Variants in NRXN3 observed in about 807,000 individuals in gnomAD.
The protein encoded by NRXN3 is neurexin III.
A neutral mutation model predicts 137.6 loss-of-function variants in NRXN3; 32 were observed. The observed-to-expected ratio is 0.23, with a 90% confidence interval of 0.18 to 0.31. The LOEUF (loss-of-function observed/expected upper bound fraction) is 0.31. Among genes scored for constraint, NRXN3 ranks in the 10% least tolerant of loss-of-function variants. The probability of loss-of-function intolerance (pLI) is 1.00; values close to 1 mark genes in which losing one functional copy is unlikely to be tolerated. For missense variants in NRXN3, 1,574 were observed against 2,062.5 expected (o/e 0.76, Z 4.59); for synonymous variants, 798 against 784.5 (o/e 1.02, Z -0.29).
Position 79,110,495 on chromosome 14 carries a change from A to G in NRXN3, c.3262+122354A>G, listed in dbSNP as rs919890189. On this transcript the variant is annotated intron_variant, in intron 15 of 20. Transcript: ENST00000335750. ...CACTGTCACTTTTGTCTTTTTATTC[A>G]TTGCTTTGTTCCAAAAGCTTAGAAT... is the stretch of plus-strand genomic sequence containing the variant. 7.6e-4 allele frequency among the ~76,000 whole-genome samples: 116 copies of G among 152,318 alleles called. 1 individual carries two copies. The highest frequency in any genetic ancestry group is 2.6e-3 in the African/African-American group (108 of 41,576).
At chr14:78,447,755 G>T (rs17107613) in intron 4 of NRXN3, among the ~76,000 whole-genome samples, 13,903 of 152,250 alleles carry the variant, frequency 0.091, 873 homozygotes, top group African/African-American at 0.16. Context: ...AATGGAGTCT[G>T]TGGGTTTAAG....
chr14:78,802,983 C>T (rs17835742), intron 8 of NRXN3, among the ~76,000 whole-genome samples: 4,306 of 152,256 alleles, frequency 0.028, 90 homozygotes, highest in Non-Finnish European at 0.043. Context: ...TTTCCTCTTT[C>T]CCTATTTGAA....
chr14:79,407,443 G>A (rs557611681), intron 15 of NRXN3, among the ~76,000 whole-genome samples: 1 of 152,078 alleles, frequency 6.6e-6, no homozygotes, highest in Non-Finnish European at 1.5e-5. Context: ...GATGGAGAAA[G>A]TAAAGAATAA....
At chr14:79,221,286 G>A (rs2069620225) in intron 15 of NRXN3, among the ~76,000 whole-genome samples, 1 of 152,082 alleles carries the variant, frequency 6.6e-6, no homozygotes, top group Admixed American at 6.6e-5. Context: ...GGATTGCTGG[G>A]TCAAATGGTA....
At chr14:78,404,919 A>G (rs896703481) in intron 4 of NRXN3, among the ~76,000 whole-genome samples, 1 of 152,194 alleles carries the variant, frequency 6.6e-6, no homozygotes, top group Non-Finnish European at 1.5e-5. Flanking sequence ...CTGCCTGCCT[A>G]TCGTCTGTCT....
chr14:78,859,228 C>T (rs970499946), intron 10 of NRXN3, among the ~76,000 whole-genome samples: 1 of 152,120 alleles, frequency 6.6e-6, no homozygotes, highest in Non-Finnish European at 1.5e-5. Flanking sequence ...TTTCCTGAGG[C>T]CTCCCCAGCC....
intron 15 of NRXN3, among the ~76,000 whole-genome samples, chr14:79,388,188 C>G (rs562950822): frequency 6.6e-6 from 1 of 152,170 alleles, no homozygotes; most frequent in South Asian, 2.1e-4. Flanking sequence ...ATGAAATGCA[C>G]CAGCTCCCCC....
At chr14:78,199,749 C>T (rs2061516993) in intron 1 of NRXN3, among the ~76,000 whole-genome samples, 1 of 152,222 alleles carries the variant, frequency 6.6e-6, no homozygotes, top group African/African-American at 2.4e-5. Context: ...AAACCAGTCT[C>T]CCAGGAGGTT....
intron 16 of NRXN3, among the ~76,000 whole-genome samples, chr14:79,646,259 G>A (rs2098453057): frequency 7.4e-6 from 1 of 135,046 alleles, no homozygotes; most frequent in Non-Finnish European, 1.7e-5. Flanking sequence ...AGCATAGTTG[G>A]GCTGCACTAA....
At chr14:78,418,787 C>T (rs1175748316) in intron 4 of NRXN3, among the ~76,000 whole-genome samples, 4 of 152,168 alleles carry the variant, frequency 2.6e-5, no homozygotes, top group African/African-American at 7.2e-5. Context: ...GGCACCATGC[C>T]AAGCTTTTTA....
chr14:79,717,070 T>G (rs2098826178), intron 19 of NRXN3, among the ~76,000 whole-genome samples: 1 of 152,184 alleles, frequency 6.6e-6, no homozygotes, highest in South Asian at 2.1e-4. Context: ...TTTTAGCAGG[T>G]TCTCCTGGGT....
At chr14:78,761,648 A>C (rs2098692678) in intron 8 of NRXN3, among the ~76,000 whole-genome samples, 1 of 152,170 alleles carries the variant, frequency 6.6e-6, no homozygotes, top group South Asian at 2.1e-4. Context: ...TGGGAATAAA[A>C]CCTAGCAGTT....
chr14:79,050,417 T>C (rs984944023), intron 15 of NRXN3, among the ~76,000 whole-genome samples: 2 of 152,222 alleles, frequency 1.3e-5, no homozygotes, highest in Admixed American at 1.3e-4. Flanking sequence ...CAGCCCCATT[T>C]CTTTTTATAT....
intron 15 of NRXN3, among the ~76,000 whole-genome samples, chr14:79,117,003 A>C (rs1314923901): frequency 6.6e-6 from 1 of 152,200 alleles, no homozygotes; most frequent in Non-Finnish European, 1.5e-5. Flanking sequence ...TTTGGTAATA[A>C]TTGACATACC....
intron 15 of NRXN3, among the ~76,000 whole-genome samples, chr14:79,165,552 C>T (rs1273086335): frequency 2.0e-5 from 3 of 152,038 alleles, no homozygotes; most frequent in Non-Finnish European, 1.5e-5. Flanking sequence ...TGCAGACACA[C>T]ACAATCCAAC....
intron 15 of NRXN3, among the ~76,000 whole-genome samples, chr14:79,151,378 G>A (rs532797029): frequency 6.6e-6 from 1 of 152,132 alleles, no homozygotes; most frequent in South Asian, 2.1e-4. Context: ...GAACAGAGGT[G>A]AGCCTCCAGC....
chr14:79,039,236 T>A (rs1222941774), intron 15 of NRXN3, among the ~76,000 whole-genome samples: 1 of 152,116 alleles, frequency 6.6e-6, no homozygotes, highest in Non-Finnish European at 1.5e-5. Context: ...TTTTATCAAC[T>A]TCAACTGACT....
chr14:78,187,034 G>T (rs931780620), intron 1 of NRXN3, among the ~76,000 whole-genome samples: 1 of 152,162 alleles, frequency 6.6e-6, no homozygotes, highest in Admixed American at 6.5e-5. Context: ...TAGCCCTAAG[G>T]TGACAGTGAG....
intron 10 of NRXN3, among the ~76,000 whole-genome samples, chr14:78,813,969 TTTC>T (rs1035965814): frequency 6.6e-6 from 1 of 152,196 alleles, no homozygotes; most frequent in African/African-American, 2.4e-5. Flanking sequence ...TCTTTCTGCC[TTTC>T]TTAACTTCTC....
Sources: allele counts gnomAD v4.1 joint callset (sites outside exome capture counted in the v4.1 genomes callset), GRCh38; gene constraint gnomAD v4.1.1; transcripts MANE v1.5; gene names NCBI Gene and HGNC (gene_info 2026-07-23, HGNC 2026-07-21).